KMT2E: variants seen among roughly 807,000 people sequenced by gnomAD.
KMT2E encodes lysine methyltransferase 2E (inactive), also known as histone reader KMT2E.
In KMT2E, 30 loss-of-function variants were observed where a neutral mutation model predicts 184.6. That is an observed-to-expected ratio of 0.16 (90% confidence interval 0.12 to 0.22). The LOEUF (loss-of-function observed/expected upper bound fraction) is 0.22. Among genes scored for constraint, KMT2E ranks in the 10% least tolerant of loss-of-function variants. KMT2E has a pLI of 1.00. For missense variants in KMT2E, 2,023 were observed against 2,237.4 expected (o/e 0.90, Z 1.93); for synonymous variants, 815 against 776.5 (o/e 1.05, Z -0.82).
chr7:105,098,078 C>T (rs1798491690), intron 15 of KMT2E, among the ~76,000 whole-genome samples: 2 of 152,122 alleles, frequency 1.3e-5, no homozygotes, highest in Non-Finnish European at 2.9e-5. Context: ...TTATTAGTAA[C>T]AAATAATCTT....
At chr7:105,056,510 G>A (rs1796575471) in intron 3 of KMT2E, among the ~76,000 whole-genome samples, 1 of 152,126 alleles carries the variant, frequency 6.6e-6, no homozygotes, top group Non-Finnish European at 1.5e-5. Flanking sequence ...GCATATGCAT[G>A]GGGTATTGTC....
chr7:105,042,083 C>T (rs1457026147), intron 3 of KMT2E, among the ~76,000 whole-genome samples: 2 of 152,132 alleles, frequency 1.3e-5, no homozygotes, highest in Admixed American at 1.3e-4. Flanking sequence ...CTGCAACCTC[C>T]AGGCTCAAGG....
At chr7:105,048,709 A>G (rs1016021659) in intron 3 of KMT2E, among the ~76,000 whole-genome samples, 3 of 152,202 alleles carry the variant, frequency 2.0e-5, no homozygotes, top group Non-Finnish European at 2.9e-5. Flanking sequence ...TTGCAATGAT[A>G]TGGTTTCTGT....
At chr7:105,048,571 A>G (rs1584725386) in intron 3 of KMT2E, among the ~76,000 whole-genome samples, 1 of 84,534 alleles carries the variant, frequency 1.2e-5, no homozygotes, top group Non-Finnish European at 1.9e-5. Flanking sequence ...CCTGATTGTT[A>G]AAAAAATACG....
At chr7:105,076,110 A>G (rs1397224795) in intron 9 of KMT2E, 29 bp downstream of exon 9, 1 of 1,477,190 alleles carries the variant, frequency 6.8e-7, no homozygotes, top group Admixed American at 1.7e-5. Flanking sequence ...AGGTGTTGTT[A>G]TCAACTGTCA....
rs1562903260 is a variant in KMT2E, at chr7:105,067,079, A to AAAG, written c.497+274_497+275insGAA. ...CTCTTTTTTTTTTAAAAAAAAAAAAAAAAAAGAAAAAGAAAAAAGGAGAAT... is the reference window on the plus strand; with the variant it reads ...CTCTTTTTTTTTTAAAAAAAAAAAAAAAGAAAAAGAAAAAGAAAAAAGGAGAAT... On this transcript the variant is annotated intron_variant, in intron 6 of 26. Transcript: ENST00000311117. Among the ~76,000 whole-genome samples the AAAG allele has an allele frequency of 9.3e-5, 14 of 149,938 alleles. No individual in the cohort carries two copies. The East Asian group carries it at 2.2e-3, about 23-fold the overall frequency.
chr7:105,073,565 A>G, intron 6 of KMT2E, 54 bp from the exon 7 acceptor site: 4 of 1,113,688 alleles, frequency 3.6e-6, no homozygotes, highest in Non-Finnish European at 5.4e-6. Flanking sequence ...ATCACATTTA[A>G]GACAGATCTG....
intron 13 of KMT2E, among the ~76,000 whole-genome samples, chr7:105,084,428 C>A (rs1218098566): frequency 6.6e-6 from 1 of 152,058 alleles, no homozygotes; most frequent in East Asian, 1.9e-4. Context: ...GAGTTCAAGA[C>A]CAGCCTGGCA....
Position 105,107,827 on chromosome 7 carries a change from A to G in KMT2E, c.3370A>G (p.Thr1124Ala). Reference sequence around the variant, plus strand: ...GTTTATGGAAACAACTGTGTTTTGTACTTCCGAAGATGGGCTTGTATCTGG... The same window carrying G: ...GTTTATGGAAACAACTGTGTTTTGTGCTTCCGAAGATGGGCTTGTATCTGG... ...GMFMETTVFCTSEDGLVSGFG... is the reference protein window; with the variant it reads ...GMFMETTVFCASEDGLVSGFG... Residue 1124 changes from threonine to alanine, a missense_variant, in exon 22 of 27, where the codon ACT becomes GCT. Thr to Ala is a moderately conservative substitution (Grantham distance 58). This residue lies in a region of KMT2E where 1,108 missense variants were observed against 1,050.9 expected (regional missense o/e 1.05). Transcript: ENST00000311117. The G allele has an allele frequency of 1.2e-6, 2 of 1,614,170 alleles. No homozygotes were observed. Among genetic ancestry groups the G allele is most frequent in the Non-Finnish European group, 1.7e-6 (2 of 1,180,008 alleles).
intron 3 of KMT2E, chr7:105,061,921 A>G: frequency 3.0e-6 from 1 of 329,764 alleles, no homozygotes; most frequent in Non-Finnish European, 5.5e-6. Context: ...ATTTTTTTTA[A>G]TGAGAGAGAG....
intron 1 of KMT2E, among the ~76,000 whole-genome samples, chr7:105,015,730 T>C (rs1406720778): frequency 1.3e-5 from 2 of 152,158 alleles, no homozygotes; most frequent in Admixed American, 1.3e-4. Flanking sequence ...CCACACCCCA[T>C]GCAGTGCGTT....
chr7:105,108,950 A>G lies in KMT2E; in HGVS notation c.3477A>G (p.Leu1159=). Residue 1159 remains leucine, a synonymous_variant, in exon 23 of 27, where the codon CTA becomes CTG. Transcript: ENST00000311117. ...QNPPQKKKVS[L]LEYRKRQREA... ...CATCTTTCTTGCTTAAGGTTTCTCT[A>G]TTAGAATACCGTAAGAGACAACGTG... The G allele has an allele frequency of 1.9e-6, 3 of 1,604,324 alleles. No individual in the cohort carries two copies. The highest frequency in any genetic ancestry group is 1.7e-6 in the Non-Finnish European group (2 of 1,171,912).
At chr7:105,051,480 T>G (rs12534140) in intron 3 of KMT2E, among the ~76,000 whole-genome samples, 1 of 152,020 alleles carries the variant, frequency 6.6e-6, no homozygotes, top group African/African-American at 2.4e-5. Flanking sequence ...CCACTGCCCC[T>G]GCATCATCTA....
At chr7:105,042,781 G>A (rs1200247856) in intron 3 of KMT2E, among the ~76,000 whole-genome samples, 1 of 152,198 alleles carries the variant, frequency 6.6e-6, no homozygotes, top group Non-Finnish European at 1.5e-5. Flanking sequence ...ATAATAGATT[G>A]TAAGAGAGAG....
intron 3 of KMT2E, among the ~76,000 whole-genome samples, chr7:105,052,675 C>G (rs1403455637): frequency 2.6e-5 from 4 of 152,152 alleles, no homozygotes; most frequent in Non-Finnish European, 5.9e-5. Flanking sequence ...TCTCCTGCCT[C>G]AGCCTCCCAA....
At chr7:105,046,658 C>G (rs1054553084) in intron 3 of KMT2E, among the ~76,000 whole-genome samples, 1 of 152,150 alleles carries the variant, frequency 6.6e-6, no homozygotes, top group Non-Finnish European at 1.5e-5. Context: ...TTTGTGTCTA[C>G]TCAGAAGAAG....
chr7:105,062,305 A>G (rs1796847988), intron 4 of KMT2E, 27 bp downstream of exon 4: 2 of 1,466,314 alleles, frequency 1.4e-6, no homozygotes. Flanking sequence ...TCTTTGAAAA[A>G]ACATTTTTAA....
intron 1 of KMT2E, among the ~76,000 whole-genome samples, chr7:105,025,892 A>G (rs1189094487): frequency 1.3e-5 from 2 of 152,186 alleles, no homozygotes. Flanking sequence ...TCTAGAAGGA[A>G]GTCTACATTC....
chr7:105,020,226 C>T (rs1794894171), intron 1 of KMT2E, among the ~76,000 whole-genome samples: 1 of 151,934 alleles, frequency 6.6e-6, no homozygotes, highest in African/African-American at 2.4e-5. Context: ...TTGGTTGCAG[C>T]ATTTAAGGTC....
Sources: gnomAD v4.1 joint callset for allele counts (sites outside exome capture counted in the v4.1 genomes callset) on GRCh38, gnomAD v4.1.1 for gene constraint, gnomAD v4.1.1 regional missense constraint, MANE v1.5 for transcripts, NCBI Gene and HGNC (gene_info 2026-07-23, HGNC 2026-07-21) for gene names.